Variants in AMBRA1 observed in about 807,000 individuals in gnomAD.
The protein encoded by AMBRA1 is activating molecule in BECN1-regulated autophagy protein 1.
Under a neutral mutation model 125.4 loss-of-function variants are expected in AMBRA1, and 47 were observed. That is an observed-to-expected ratio of 0.37 (90% confidence interval 0.30 to 0.48). The LOEUF (loss-of-function observed/expected upper bound fraction) is 0.48. Among genes scored for constraint, AMBRA1 ranks in the 20% least tolerant of loss-of-function variants. The pLI is 0.99. For synonymous variants in AMBRA1, 626 were observed against 655.5 expected (o/e 0.95, Z 0.69); for missense variants, 1,331 against 1,693.4 (o/e 0.79, Z 3.76).
At chr11:46,506,546 A>T (rs370999448) in intron 9 of AMBRA1, among the ~76,000 whole-genome samples, 3 of 152,334 alleles carry the variant, frequency 2.0e-5, no homozygotes, top group African/African-American at 4.8e-5. Context: ...CATTCAGTTA[A>T]GGAAGAAAGC....
intron 9 of AMBRA1, among the ~76,000 whole-genome samples, chr11:46,501,691 G>A (rs1183778877): frequency 2.0e-5 from 3 of 152,122 alleles, no homozygotes; most frequent in Non-Finnish European, 4.4e-5. Context: ...GTCACTCACT[G>A]ATTCACCAAA....
chr11:46,534,673 C>T (rs930982256), intron 7 of AMBRA1, among the ~76,000 whole-genome samples: 1 of 152,098 alleles, frequency 6.6e-6, no homozygotes, highest in African/African-American at 2.4e-5. Context: ...CTCCTCAGTT[C>T]CCTCTTCCTT....
At chr11:46,418,347 T>C (rs1193385662) in intron 14 of AMBRA1, among the ~76,000 whole-genome samples, 1 of 138,310 alleles carries the variant, frequency 7.2e-6, no homozygotes, top group Non-Finnish European at 1.6e-5. Flanking sequence ...TTATTATTTA[T>C]ATAAATATAT....
chr11:46,586,823 C>T lies in AMBRA1; in HGVS notation c.-121+7005G>A, dbSNP rs537876205. The stretch of plus-strand genomic sequence containing the variant: ...GGGTGCTGGAATTTGAACCAGGCTG[C>T]TTGGCTCCAGGACTCAGTGCCACTA... On this transcript the variant is annotated intron_variant, in intron 1 of 17. Transcript: ENST00000683756. Among the ~76,000 whole-genome samples the T allele has an allele frequency of 2.6e-4, 39 of 152,158 alleles. No individual in the cohort carries two copies. The South Asian group carries it at 6.8e-3, about 27-fold the overall frequency.
rs888970784 is a variant in AMBRA1, at chr11:46,422,293, A to C, written c.2977-4241T>G. Among the ~76,000 whole-genome samples, 8 of 152,206 alleles carry C rather than the reference A, an allele frequency of 5.3e-5. No individual in the cohort carries two copies. The South Asian group carries it at 8.3e-4, about 16-fold the overall frequency. ...AAGTAGATTGTTCTCATTTCTGTCT[A>C]ACATCTATGAAGGGAAATAGAATCA... On this transcript the variant is annotated intron_variant, in intron 14 of 17. Coordinates refer to ENST00000683756, the MANE Select transcript of AMBRA1 (RefSeq NM_001387011.1).
rs747195378 is a variant in AMBRA1 at position 46,417,894 on chromosome 11, CA to C, written c.3116+18del. 3.8e-6 allele frequency: 6 copies of C among 1,594,100 alleles called. No individual in the cohort carries two copies. In the South Asian group the frequency reaches 4.5e-5, roughly 12 times the overall value. On this transcript the variant is annotated intron_variant, in intron 15 of 17. Coordinates refer to ENST00000683756, the MANE Select transcript of AMBRA1 (RefSeq NM_001387011.1). Reference sequence around the variant, plus strand: ...TCGGCCCCAGTGATCCCTCAACCCCCACACTTTAAGCCACTTACTCTGGTCG... The same window carrying C: ...TCGGCCCCAGTGATCCCTCAACCCCCCACTTTAAGCCACTTACTCTGGTCG...
chr11:46,561,490 GA>G (rs1261051899), intron 1 of AMBRA1, among the ~76,000 whole-genome samples: 2 of 151,666 alleles, frequency 1.3e-5, no homozygotes, highest in African/African-American at 4.8e-5. Flanking sequence ...AGACAAATAA[GA>G]AAAACAAAAC....
intron 7 of AMBRA1, among the ~76,000 whole-genome samples, chr11:46,527,296 A>C (rs940758788): frequency 6.6e-6 from 1 of 151,922 alleles, no homozygotes; most frequent in Non-Finnish European, 1.5e-5. Flanking sequence ...CCTAGGTAAC[A>C]CAGCAAGACC....
At chr11:46,425,702 G>A (rs1294412270) in intron 14 of AMBRA1, among the ~76,000 whole-genome samples, 1 of 152,044 alleles carries the variant, frequency 6.6e-6, no homozygotes, top group Non-Finnish European at 1.5e-5. Flanking sequence ...TAGCCGGGGT[G>A]GTGGCATGCA....
At chr11:46,448,244 TAATA>T (rs1169862102) in intron 11 of AMBRA1, among the ~76,000 whole-genome samples, 12 of 152,128 alleles carry the variant, frequency 7.9e-5, no homozygotes, top group Non-Finnish European at 1.5e-5. Context: ...AGAAAAGGAA[TAATA>T]CATATTACAC....
intron 11 of AMBRA1, among the ~76,000 whole-genome samples, chr11:46,478,164 T>G (rs1331751493): frequency 6.6e-6 from 1 of 152,214 alleles, no homozygotes; most frequent in Non-Finnish European, 1.5e-5. Flanking sequence ...CTAAGTCCTA[T>G]GCTTGAGAAT....
chr11:46,456,222 A>G (rs375373111), intron 11 of AMBRA1, among the ~76,000 whole-genome samples: 66 of 151,758 alleles, frequency 4.3e-4, no homozygotes, highest in East Asian at 9.7e-4. Flanking sequence ...AAAATGGGGG[A>G]AAAAAAAACC....
intron 14 of AMBRA1, among the ~76,000 whole-genome samples, chr11:46,426,683 T>C (rs1947152240): frequency 6.6e-6 from 1 of 152,230 alleles, no homozygotes; most frequent in Non-Finnish European, 1.5e-5. Context: ...TTTCCTACAA[T>C]GTTCTGAAGA....
At chr11:46,434,372 A>G (rs867058063) in intron 13 of AMBRA1, among the ~76,000 whole-genome samples, 6 of 152,100 alleles carry the variant, frequency 3.9e-5, no homozygotes, top group African/African-American at 9.6e-5. Flanking sequence ...TGACACCAAC[A>G]AAACACCCAC....
chr11:46,557,775 T>A (rs2043202760), intron 1 of AMBRA1, among the ~76,000 whole-genome samples: 1 of 152,082 alleles, frequency 6.6e-6, no homozygotes, highest in Non-Finnish European at 1.5e-5. Flanking sequence ...GCCACCACAC[T>A]CCAGCCTGGG....
chr11:46,397,693 G>A lies in AMBRA1; in HGVS notation c.3654C>T (p.Ala1218=), dbSNP rs138262595. The change falls in exon 18 of 18, where the codon GCC becomes GCT. Residue 1218 remains alanine (A), a synonymous_variant. Coordinates refer to ENST00000683756, the MANE Select transcript of AMBRA1 (RefSeq NM_001387011.1). ...PSTSRGLLPE[A]GQLAERGLSP... ...TTAGGCCTCGCTCTGCCAGTTGCCCGGCCTCTGGGAGCAGTCCCCGAGAGG... is the reference window on the plus strand; with the variant it reads ...TTAGGCCTCGCTCTGCCAGTTGCCCAGCCTCTGGGAGCAGTCCCCGAGAGG... 7.7e-5 allele frequency: 124 copies of A among 1,612,850 alleles called. No individual in the cohort carries two copies. Among genetic ancestry groups the A allele is most frequent in the African/African-American group, 7.1e-4 (53 of 74,918 alleles).
At chr11:46,545,190 T>G (rs1220068525) in intron 5 of AMBRA1, among the ~76,000 whole-genome samples, 40 of 98,322 alleles carry the variant, frequency 4.1e-4, no homozygotes, top group South Asian at 7.2e-4. Context: ...GTGGGCATGG[T>G]GGCTCATGCC....
intron 9 of AMBRA1, among the ~76,000 whole-genome samples, chr11:46,502,067 G>A (rs1950861230): frequency 6.6e-6 from 1 of 151,942 alleles, no homozygotes; most frequent in Admixed American, 6.6e-5. Context: ...TCTCTCTCCA[G>A]GTCATTTTCT....
intron 14 of AMBRA1, among the ~76,000 whole-genome samples, chr11:46,431,919 A>G (rs865973736): frequency 2.0e-5 from 3 of 152,358 alleles, no homozygotes; most frequent in Middle Eastern, 6.8e-3. Context: ...TGTGATATCA[A>G]GAGGACAGAA....
Sources: gnomAD v4.1 joint callset for allele counts (sites outside exome capture counted in the v4.1 genomes callset) on GRCh38, gnomAD v4.1.1 for gene constraint, MANE v1.5 for transcripts, NCBI Gene and HGNC (gene_info 2026-07-23, HGNC 2026-07-21) for gene names.